Variants in ROBO2 observed in about 807,000 individuals in gnomAD.
The protein encoded by ROBO2 is roundabout homolog 2.
ROBO2 carries 53 observed loss-of-function variants against 160.8 expected under a neutral mutation model. That is an observed-to-expected ratio of 0.33 (90% CI 0.26 to 0.41). The LOEUF is 0.41. Ranked by LOEUF, ROBO2 falls within the 10% of genes least tolerant of loss-of-function variation. ROBO2 has a pLI of 1.00. For missense variants in ROBO2, 1,577 were observed against 1,722.4 expected (o/e 0.92, Z 1.49); for synonymous variants, 664 against 611.7 (o/e 1.09, Z -1.26).
intron 8 of ROBO2, among the ~76,000 whole-genome samples, chr3:77,555,061 G>A (rs1356608549): frequency 6.6e-6 from 1 of 151,952 alleles, no homozygotes; most frequent in African/African-American, 2.4e-5. Context: ...TGGTCAGTTA[G>A]CAACCATCAG....
intron 2 of ROBO2, among the ~76,000 whole-genome samples, chr3:76,897,491 T>G (rs565258688): frequency 6.6e-6 from 1 of 152,048 alleles, no homozygotes; most frequent in African/African-American, 2.4e-5. Flanking sequence ...AAAATCACAT[T>G]TTGCTCTGAT....
chr3:76,218,753 G>A (rs1387377796), intron 2 of ROBO2, among the ~76,000 whole-genome samples: 1 of 152,026 alleles, frequency 6.6e-6, no homozygotes, highest in Non-Finnish European at 1.5e-5. Flanking sequence ...GTAATTTATA[G>A]ATTCAATGCC....
At chr3:76,558,971 A>C (rs1384830067) in intron 2 of ROBO2, among the ~76,000 whole-genome samples, 1 of 152,132 alleles carries the variant, frequency 6.6e-6, no homozygotes, top group Non-Finnish European at 1.5e-5. Flanking sequence ...AAATATATAA[A>C]ATGTACAAAC....
intron 2 of ROBO2, among the ~76,000 whole-genome samples, chr3:77,000,742 T>C (rs1490464174): frequency 6.6e-6 from 1 of 152,132 alleles, no homozygotes; most frequent in Non-Finnish European, 1.5e-5. Flanking sequence ...GAAAGTTATT[T>C]TGAATATAAG....
chr3:77,025,994 CATT>C (rs776925248), intron 2 of ROBO2, among the ~76,000 whole-genome samples: 5 of 152,172 alleles, frequency 3.3e-5, no homozygotes, highest in Admixed American at 1.3e-4. Flanking sequence ...CCACCACCAT[CATT>C]GACAGCCAAA....
chr3:77,295,609 C>G (rs542316409), intron 2 of ROBO2, among the ~76,000 whole-genome samples: 1 of 83,268 alleles, frequency 1.2e-5, no homozygotes, highest in African/African-American at 3.8e-5. Context: ...TCACCCCACA[C>G]ATAAAGTAAA....
chr3:77,179,119 TA>T (rs911490527), intron 2 of ROBO2, among the ~76,000 whole-genome samples: 3 of 151,954 alleles, frequency 2.0e-5, no homozygotes, highest in African/African-American at 4.8e-5. Flanking sequence ...AATGAAAGGC[TA>T]TTTTTTTTTA....
At chr3:77,061,221 A>T (rs1002390120) in intron 1 of ROBO2, among the ~76,000 whole-genome samples, 3 of 152,178 alleles carry the variant, frequency 2.0e-5, no homozygotes, top group African/African-American at 7.2e-5. Context: ...TAAGTTGTTG[A>T]TTTAAAAGTC....
chr3:76,394,482 G>T (rs544904703), intron 2 of ROBO2, among the ~76,000 whole-genome samples: 2 of 152,098 alleles, frequency 1.3e-5, no homozygotes, highest in Non-Finnish European at 2.9e-5. Flanking sequence ...AGTTTCTGCC[G>T]AGAGATCAGC....
intron 24 of ROBO2, among the ~76,000 whole-genome samples, chr3:77,635,275 ATT>A (rs10717928): frequency 2.1e-3 from 311 of 147,492 alleles, no homozygotes; most frequent in South Asian, 0.016. Flanking sequence ...TTTGAGGTTG[ATT>A]TTTTTTTTTT....
intron 2 of ROBO2, among the ~76,000 whole-genome samples, chr3:76,663,235 A>G (rs1448624867): frequency 6.6e-6 from 1 of 152,226 alleles, no homozygotes; most frequent in East Asian, 1.9e-4. Flanking sequence ...GGTACCATCA[A>G]CAGACAAGAG....
intron 2 of ROBO2, among the ~76,000 whole-genome samples, chr3:76,026,989 C>T (rs1275654214): frequency 6.6e-6 from 1 of 151,876 alleles, no homozygotes; most frequent in Non-Finnish European, 1.5e-5. Context: ...CTGAGGACTG[C>T]GCTGGGACAA....
intron 6 of ROBO2, among the ~76,000 whole-genome samples, chr3:77,543,222 T>C (rs892756018): frequency 6.6e-6 from 1 of 152,194 alleles, no homozygotes; most frequent in African/African-American, 2.4e-5. Flanking sequence ...GCCATCTGCA[T>C]TTTTTCTGTT....
intron 2 of ROBO2, among the ~76,000 whole-genome samples, chr3:76,333,743 A>T (rs1054575814): frequency 2.0e-5 from 3 of 152,112 alleles, no homozygotes; most frequent in African/African-American, 7.2e-5. Flanking sequence ...TTCTTAATCC[A>T]GTCTGTCATT....
chr3:76,957,376 T>A (rs1275204939), intron 2 of ROBO2, among the ~76,000 whole-genome samples: 2 of 152,136 alleles, frequency 1.3e-5, no homozygotes, highest in Admixed American at 1.3e-4. Context: ...AATAGGAGAA[T>A]ACCTATTAGA....
intron 2 of ROBO2, among the ~76,000 whole-genome samples, chr3:77,430,284 G>A (rs2078640955): frequency 6.6e-6 from 1 of 152,086 alleles, no homozygotes; most frequent in Non-Finnish European, 1.5e-5. Context: ...TTTGTAGAAA[G>A]CCTTAGATAA....
At chr3:76,272,876 A>T (rs1707595615) in intron 2 of ROBO2, among the ~76,000 whole-genome samples, 1 of 78,658 alleles carries the variant, frequency 1.3e-5, no homozygotes, top group African/African-American at 5.6e-5. Context: ...AATATATAAT[A>T]TATATTTATA....
intron 2 of ROBO2, among the ~76,000 whole-genome samples, chr3:76,794,859 A>C (rs896283061): frequency 7.2e-5 from 11 of 152,012 alleles, no homozygotes; most frequent in Non-Finnish European, 1.5e-5. Context: ...CAATTTTCTT[A>C]TTTGTAAAAT....
At chr3:76,502,797 G>T (rs566118495) in intron 2 of ROBO2, among the ~76,000 whole-genome samples, 1 of 152,194 alleles carries the variant, frequency 6.6e-6, no homozygotes, top group South Asian at 2.1e-4. Context: ...TATTTGATAT[G>T]TCTATAGGTC....
Sources: gnomAD v4.1 joint callset for allele counts (sites outside exome capture counted in the v4.1 genomes callset) on GRCh38, gnomAD v4.1.1 for gene constraint, MANE v1.5 for transcripts, NCBI Gene and HGNC (gene_info 2026-07-23, HGNC 2026-07-21) for gene names.